Variants in HSP90AA1 observed in about 807,000 individuals in gnomAD.
HSP90AA1 encodes heat shock protein HSP 90-alpha.
HSP90AA1 carries 18 observed loss-of-function variants against 73.3 expected under a neutral mutation model. That is an observed-to-expected ratio of 0.25 (90% confidence interval 0.17 to 0.36). The LOEUF (loss-of-function observed/expected upper bound fraction) is 0.36. HSP90AA1 is among the 10% of genes least tolerant of loss of function. The pLI, the probability that HSP90AA1 is intolerant of heterozygous loss-of-function variation, is 1.00. For missense variants in HSP90AA1, 704 were observed against 874.2 expected, an observed-to-expected ratio of 0.81 and a Z score of 2.45; for synonymous variants, 477 against 296.9, an observed-to-expected ratio of 1.61 and a Z score of -6.24.
Position 102,087,007 on chromosome 14 carries a change from GACC to G in HSP90AA1, c.-25_-23del. ...TCACCTTGGCTAAGTGACCGCACAG[GACC>G]AACGGCACAGCCACACCGGGACGCT... On this transcript the variant is annotated 5_prime_UTR_variant, in exon 1 of 11. Coordinates refer to ENST00000216281, the MANE Select transcript of HSP90AA1 (RefSeq NM_005348.4). 1.0e-6 allele frequency: 1 copy of G among 985,308 alleles called. No individual in the cohort carries two copies. Among genetic ancestry groups the G allele is most frequent in the Non-Finnish European group, 1.2e-6 (1 of 830,124 alleles). 61.0% of individuals were successfully genotyped at this position (985,308 alleles called of 1,614,324 possible). A position where few individuals can be genotyped will look rare whatever the true frequency, so the allele number is the denominator to read the frequency against.
At chr14:102,120,203 A>C (rs2049758396) in intron 1 of HSP90AA1, among the ~76,000 whole-genome samples, 1 of 152,030 alleles carries the variant, frequency 6.6e-6, no homozygotes. Context: ...ATCTCTGCAA[A>C]AGATAATTCG....
At chr14:102,085,480 CA>C (rs749867551) in intron 3 of HSP90AA1, 49 bp from the exon 4 acceptor site, 4 of 1,527,554 alleles carry the variant, frequency 2.6e-6, no homozygotes, top group Non-Finnish European at 3.6e-6. Context: ...ATTTAGTGCT[CA>C]ACGCCATGCC....
intron 1 of HSP90AA1, among the ~76,000 whole-genome samples, chr14:102,136,585 A>G (rs796752134): frequency 9.6e-4 from 112 of 116,380 alleles, no homozygotes; most frequent in African/African-American, 3.5e-3. Flanking sequence ...AAAAAAAAAA[A>G]AAAAAGAAAT....
intron 1 of HSP90AA1, among the ~76,000 whole-genome samples, chr14:102,104,915 T>G (rs1457873112): frequency 6.6e-6 from 1 of 151,824 alleles, no homozygotes; most frequent in Non-Finnish European, 1.5e-5. Context: ...GATTTCATTC[T>G]TGGCTTGGCG....
exon 1 of HSP90AA1, chr14:102,139,436 G>C: frequency 6.6e-7 from 1 of 1,510,030 alleles, no homozygotes; most frequent in Non-Finnish European, 8.9e-7. Context: ...CCGCGTGCTG[G>C]CTCCGAAGCG....
chr14:102,083,476 GA>G, intron 8 of HSP90AA1, 69 bp downstream of exon 8: 2 of 1,509,134 alleles, frequency 1.3e-6, no homozygotes, highest in Non-Finnish European at 9.2e-7. Context: ...TACCTGAGTA[GA>G]AAACACACCC....
At chr14:102,094,055 C>T (rs759604265) in intron 2 of HSP90AA1, among the ~76,000 whole-genome samples, 3 of 152,144 alleles carry the variant, frequency 2.0e-5, no homozygotes, top group East Asian at 3.8e-4. Context: ...TGGATTTCCA[C>T]GGAGCAACCC....
At chr14:102,087,243 C>A, upstream of HSP90AA1, 1 of 815,650 alleles carries the variant, frequency 1.2e-6, no homozygotes. Context: ...CGTGGCCCGG[C>A]CCGGGCAACC....
intron 1 of HSP90AA1, among the ~76,000 whole-genome samples, chr14:102,113,203 TAGTAG>T (rs1023196440): frequency 3.3e-5 from 5 of 151,832 alleles, no homozygotes; most frequent in African/African-American, 1.2e-4. Flanking sequence ...CTTGTATTTT[TAGTAG>T]AGACACGGTT....
intron 1 of HSP90AA1, among the ~76,000 whole-genome samples, chr14:102,106,124 C>T (rs760486707): frequency 1.3e-4 from 20 of 151,926 alleles, no homozygotes; most frequent in Non-Finnish European, 2.2e-4. Context: ...GAGAGAGTTC[C>T]GTGAAAGTAG....
chr14:102,135,548 G>A (rs1595684390), intron 1 of HSP90AA1, among the ~76,000 whole-genome samples: 1 of 152,276 alleles, frequency 6.6e-6, no homozygotes. Flanking sequence ...GGGACTGGGC[G>A]CCGTGGAGCA....
chr14:102,134,695 C>T (rs1011962277), intron 1 of HSP90AA1, among the ~76,000 whole-genome samples: 1 of 152,116 alleles, frequency 6.6e-6, no homozygotes, highest in Non-Finnish European at 1.5e-5. Flanking sequence ...TTGCTGGCTT[C>T]AGGAGTGAAG....
intron 2 of HSP90AA1, among the ~76,000 whole-genome samples, chr14:102,097,460 A>T (rs2224460): frequency 0.67 from 101,299 of 151,974 alleles, 37,301 homozygotes; most frequent in Non-Finnish European, 0.81. Flanking sequence ...GGTGGTGGGT[A>T]CAAAGTGGGG....
At chr14:102,136,486 T>C (rs974977501) in intron 1 of HSP90AA1, among the ~76,000 whole-genome samples, 1 of 138,488 alleles carries the variant, frequency 7.2e-6, no homozygotes, top group Non-Finnish European at 1.5e-5. Context: ...GAAGACTCGC[T>C]TGAACCCGGG....
intron 1 of HSP90AA1, 149 bp downstream of exon 1, chr14:102,086,837 G>C (rs1310297952): frequency 5.0e-5 from 14 of 279,164 alleles, no homozygotes; most frequent in Non-Finnish European, 6.5e-5. Flanking sequence ...CGGTCCCGAG[G>C]CCTCCGGAAT....
chr14:102,103,063 C>CAG (rs2049515475), intron 1 of HSP90AA1, among the ~76,000 whole-genome samples: 1 of 151,746 alleles, frequency 6.6e-6, no homozygotes, highest in Non-Finnish European at 1.5e-5. Context: ...TGCCTGTAAT[C>CAG]CCACCTACTC....
At chr14:102,138,803 T>C (rs533602077) in intron 1 of HSP90AA1, among the ~76,000 whole-genome samples, 4 of 152,318 alleles carry the variant, frequency 2.6e-5, no homozygotes, top group Non-Finnish European at 4.4e-5. Flanking sequence ...TGGTGTAACA[T>C]GCCAAGAAAC....
chr14:102,113,864 C>A (rs1373698143), intron 1 of HSP90AA1, among the ~76,000 whole-genome samples: 1 of 152,062 alleles, frequency 6.6e-6, no homozygotes, highest in Non-Finnish European at 1.5e-5. Flanking sequence ...GCGCCTGCCA[C>A]CATGCCCCGC....
intron 1 of HSP90AA1, among the ~76,000 whole-genome samples, chr14:102,116,288 GT>G (rs1456630108): frequency 2.6e-5 from 4 of 152,182 alleles, no homozygotes; most frequent in African/African-American, 9.6e-5. Context: ...AGAGAGTTGT[GT>G]TTCTGTTTTG....
Sources: allele counts gnomAD v4.1 joint callset (sites outside exome capture counted in the v4.1 genomes callset), GRCh38; gene constraint gnomAD v4.1.1; transcripts MANE v1.5; gene names NCBI Gene and HGNC (gene_info 2026-07-23, HGNC 2026-07-21).